The following USP47 variants were observed in gnomAD, a reference collection of about 807,000 sequenced individuals.
USP47 encodes the protein ubiquitin specific peptidase 47, also known as ubiquitin carboxyl-terminal hydrolase 47.
In USP47, 35 loss-of-function variants were observed where a neutral mutation model predicts 165.1. The observed-to-expected ratio is 0.21, with a 90% confidence interval of 0.16 to 0.28. The LOEUF (loss-of-function observed/expected upper bound fraction) is 0.28, where lower values mean the gene tolerates loss of function less well. USP47 is among the 10% of genes least tolerant of loss of function. USP47 has a pLI of 1.00. For synonymous variants in USP47, 531 were observed against 544.5 expected, an observed-to-expected ratio of 0.98 and a Z score of 0.35; for missense variants, 1,277 against 1,607.4, an observed-to-expected ratio of 0.79 and a Z score of 3.52.
chr11:11,844,680 A>T (rs1359638208), intron 1 of USP47, among the ~76,000 whole-genome samples: 3 of 152,138 alleles, frequency 2.0e-5, no homozygotes, highest in Non-Finnish European at 4.4e-5. Flanking sequence ...AAATTAAAAA[A>T]TTTCATGCAT....
intron 1 of USP47, among the ~76,000 whole-genome samples, chr11:11,871,559 C>A (rs1850065790): frequency 7.1e-6 from 1 of 141,610 alleles, no homozygotes; most frequent in African/African-American, 2.6e-5. Context: ...TGGTGGGAAC[C>A]TAAGTGAGCT....
At chr11:11,955,337 A>G (rs190100019) in intron 27 of USP47, among the ~76,000 whole-genome samples, 173 bp downstream of exon 27, 1 of 152,374 alleles carries the variant, frequency 6.6e-6, no homozygotes, top group Admixed American at 6.5e-5. Context: ...AGCCACATTA[A>G]AAACAATAAA....
intron 2 of USP47, among the ~76,000 whole-genome samples, chr11:11,881,061 C>G (rs927508196): frequency 3.9e-5 from 6 of 152,076 alleles, no homozygotes; most frequent in Non-Finnish European, 8.8e-5. Flanking sequence ...TTTAGTTTCT[C>G]TCTTTCATGG....
intron 7 of USP47, among the ~76,000 whole-genome samples, chr11:11,904,733 A>C (rs1384261069): frequency 6.6e-6 from 1 of 152,118 alleles, no homozygotes; most frequent in African/African-American, 2.4e-5. Flanking sequence ...AAGTTTGGGG[A>C]CTAGGTGAGA....
chr11:11,937,163 T>C (rs1855130567), intron 17 of USP47, among the ~76,000 whole-genome samples: 1 of 151,930 alleles, frequency 6.6e-6, no homozygotes, highest in Admixed American at 6.6e-5. Context: ...TATAGACAGT[T>C]ACATGGTCTG....
intron 3 of USP47, among the ~76,000 whole-genome samples, chr11:11,890,754 T>A (rs1251413124): frequency 6.6e-6 from 1 of 152,138 alleles, no homozygotes; most frequent in Non-Finnish European, 1.5e-5. Flanking sequence ...AGACATGGAA[T>A]CAACCTAAAT....
intron 24 of USP47, chr11:11,950,955 A>C (rs1283849243): frequency 1.3e-5 from 2 of 152,582 alleles, no homozygotes; most frequent in African/African-American, 4.8e-5. Flanking sequence ...TGGTACTGAT[A>C]ATTTATCAGA....
intron 1 of USP47, among the ~76,000 whole-genome samples, chr11:11,871,802 C>T (rs1850085515): frequency 6.6e-6 from 1 of 152,122 alleles, no homozygotes; most frequent in Non-Finnish European, 1.5e-5. Context: ...TGCTGGACTC[C>T]ACCTGCACTC....
At chr11:11,951,999 G>A (rs906945621) in intron 24 of USP47, 19 of 152,156 alleles carry the variant, frequency 1.2e-4, no homozygotes, top group Admixed American at 9.8e-4. Context: ...TATTATTTCA[G>A]TATATTTTCA....
At chr11:11,895,984 A>T (rs1415926996) in intron 4 of USP47, among the ~76,000 whole-genome samples, 1 of 152,192 alleles carries the variant, frequency 6.6e-6, no homozygotes, top group Non-Finnish European at 1.5e-5. Flanking sequence ...CTGCCATTTG[A>T]AGTTTGTTGA....
At chr11:11,912,859 A>T (rs1853101913) in intron 8 of USP47, among the ~76,000 whole-genome samples, 1 of 152,138 alleles carries the variant, frequency 6.6e-6, no homozygotes, top group Admixed American at 6.6e-5. Flanking sequence ...TCAGTATTTT[A>T]AAAATCAATG....
rs1296233086 is a variant in USP47, at chr11:11,938,315, AAC to A, written c.2137_2138del (p.Thr713CysfsTer25). Reference protein sequence around the residue: ...LKAESVAAPITVRAYLNQTVT... With the variant: ...LKAESVAAPIXVRAYLNQTVT... ...AGGCAGAATCTGTAGCTGCTCCTAT[AAC>A]TGTTCGTGCTTACTTAAATCAGACA... is the stretch of plus-strand genomic sequence containing the variant. On this transcript the variant is annotated frameshift_variant, in exon 18 of 28. Transcript: ENST00000527733. LOFTEE classifies it high-confidence loss of function. 6.2e-7 allele frequency: 1 copy of A among 1,612,168 alleles called. No individual in the cohort carries two copies.
intron 8 of USP47, among the ~76,000 whole-genome samples, chr11:11,907,966 T>C (rs1274344245): frequency 2.0e-5 from 3 of 152,128 alleles, no homozygotes; most frequent in Admixed American, 2.0e-4. Context: ...TGCATGCCTG[T>C]ATTCCCAGCT....
At chr11:11,936,606 T>C (rs577595952) in intron 17 of USP47, 96 bp downstream of exon 17, 1 of 1,023,600 alleles carries the variant, frequency 9.8e-7, no homozygotes, top group African/African-American at 1.6e-5. Flanking sequence ...ATTTAAATTT[T>C]GTATATGGTC....
intron 25 of USP47, 145 bp downstream of exon 25, chr11:11,953,016 A>C (rs1430689868): frequency 6.5e-6 from 4 of 615,506 alleles, no homozygotes; most frequent in Non-Finnish European, 8.4e-6. Flanking sequence ...TGGTGCAGCA[A>C]CCTTTCTTTT....
chr11:11,882,730 A>G (rs1213471140), intron 2 of USP47, among the ~76,000 whole-genome samples: 1 of 151,950 alleles, frequency 6.6e-6, no homozygotes, highest in African/African-American at 2.4e-5. Flanking sequence ...TGGCTGCACC[A>G]CTTATAGTTC....
chr11:11,936,381 C>G lies in USP47; in HGVS notation c.1948C>G (p.Arg650Gly). ...KYDEFHDYLE[R>G]SYEGEEDTPM... is the part of the protein sequence containing the mutation. Reference sequence around the variant, plus strand: ...TGATGAGTTTCATGATTATCTAGAACGGTCATATGAAGGAGAAGAAGATAC... The same window carrying G: ...TGATGAGTTTCATGATTATCTAGAAGGGTCATATGAAGGAGAAGAAGATAC... Residue 650 changes from arginine to glycine, a missense_variant, in exon 17 of 28, where the codon CGG (arginine) becomes GGG (glycine). Arg to Gly is a moderately radical substitution (Grantham distance 125, BLOSUM62 -2). This residue lies in a region of USP47 where 909 missense variants were observed against 1,068.1 expected (regional missense o/e 0.85). Coordinates refer to ENST00000527733, the MANE Select transcript of USP47 (RefSeq NM_001282659.2). The G allele has an allele frequency of 6.2e-7, 1 of 1,609,718 alleles. No homozygotes were observed. The highest frequency in any genetic ancestry group is 8.5e-7 in the Non-Finnish European group (1 of 1,177,354).
At chr11:11,862,255 G>A (rs1406866727) in intron 1 of USP47, among the ~76,000 whole-genome samples, 1 of 152,094 alleles carries the variant, frequency 6.6e-6, no homozygotes, top group Non-Finnish European at 1.5e-5. Flanking sequence ...AATACATTAT[G>A]AAATTATTTT....
At chr11:11,910,921 G>A (rs1242355580) in intron 8 of USP47, among the ~76,000 whole-genome samples, 3 of 152,126 alleles carry the variant, frequency 2.0e-5, no homozygotes, top group Admixed American at 6.6e-5. Flanking sequence ...ACACTGAAAT[G>A]ACAAAGATGT....
Sources: allele counts gnomAD v4.1 joint callset (sites outside exome capture counted in the v4.1 genomes callset), GRCh38; gene constraint gnomAD v4.1.1; regional missense constraint gnomAD v4.1.1; transcripts MANE v1.5; gene names NCBI Gene and HGNC (gene_info 2026-07-23, HGNC 2026-07-21).